The following CSTL1 variants were observed in gnomAD, a reference collection of about 807,000 sequenced individuals.
CSTL1 encodes cystatin like 1.
In CSTL1, 14 loss-of-function variants were observed where a neutral mutation model predicts 14.4. That is an observed-to-expected ratio of 0.97 (90% CI 0.64 to 1.52). The LOEUF (loss-of-function observed/expected upper bound fraction) is 1.52, where lower values mean the gene tolerates loss of function less well. Ranked by LOEUF, CSTL1 falls within the 40% of genes most tolerant of loss-of-function variation. The pLI is 0.00. For missense variants in CSTL1, 170 were observed against 168.7 expected (o/e 1.01, Z -0.04); for synonymous variants, 72 against 67.5 (o/e 1.07, Z -0.33).
downstream of CSTL1, among the ~76,000 whole-genome samples, chr20:23,445,431 A>G (rs1460353583): frequency 1.3e-5 from 2 of 150,504 alleles, no homozygotes; most frequent in Non-Finnish European, 3.0e-5. Flanking sequence ...TTTTTAAAAC[A>G]CTTTTTTTGT....
the CSTL1 span, among the ~76,000 whole-genome samples, chr20:23,453,306 C>CT: frequency 6.6e-6 from 1 of 152,088 alleles, no homozygotes; most frequent in South Asian, 2.1e-4. Flanking sequence ...AATCCCCTCC[C>CT]TTAGAGGACA....
the CSTL1 span, among the ~76,000 whole-genome samples, chr20:23,452,269 G>A: frequency 2.6e-5 from 4 of 152,086 alleles, no homozygotes; most frequent in Non-Finnish European, 5.9e-5. Context: ...TACTCAGTTC[G>A]GCATGAGTGT....
downstream of CSTL1, among the ~76,000 whole-genome samples, chr20:23,449,250 G>A (rs562778286): frequency 1.1e-4 from 17 of 152,202 alleles, 1 homozygote; most frequent in South Asian, 1.7e-3. Flanking sequence ...CGTCTCTGCC[G>A]CTTACTCTGC....
At chr20:23,456,055 C>T in the CSTL1 span, among the ~76,000 whole-genome samples, 1 of 152,156 alleles carries the variant, frequency 6.6e-6, no homozygotes, top group Admixed American at 6.5e-5. Flanking sequence ...ACAAGAATCC[C>T]CTTTGAGAAG....
rs375099801 is a variant in CSTL1, at chr20:23,440,617, C to T, written c.219+131C>T. ...TGAGGTCCCAAGGGGGAAGCATCTT[C>T]ACTTGTAGCAGGTACATTGTAGAGT... On this transcript the variant is annotated intron_variant, in intron 2 of 3. Coordinates refer to ENST00000347397, the MANE Select transcript of CSTL1 (RefSeq NM_138283.1). The T allele has an allele frequency of 7.3e-5, 56 of 765,796 alleles. 1 individual carries two copies. The East Asian group carries it at 7.9e-4, about 11-fold the overall frequency. The allele number at this position is 765,796 out of a possible 1,614,324, so 47.4% of individuals were successfully genotyped here.
chr20:23,455,051 G>C, the CSTL1 span, among the ~76,000 whole-genome samples: 4 of 152,116 alleles, frequency 2.6e-5, no homozygotes, highest in Non-Finnish European at 4.4e-5. Context: ...GGACATGATG[G>C]CTGGAGCTCC....
At chr20:23,456,093 G>T in the CSTL1 span, among the ~76,000 whole-genome samples, 1 of 152,182 alleles carries the variant, frequency 6.6e-6, no homozygotes, top group Non-Finnish European at 1.5e-5. Context: ...CCACTCCCCT[G>T]AAAACAGAGA....
intron 2 of CSTL1, among the ~76,000 whole-genome samples, chr20:23,443,572 G>C (rs942494058): frequency 6.6e-6 from 1 of 152,180 alleles, no homozygotes; most frequent in African/African-American, 2.4e-5. Context: ...GGACTGGGGG[G>C]GTGGGGACAA....
chr20:23,452,810 A>ATCCTTCAG, the CSTL1 span: 2 of 1,611,822 alleles, frequency 1.2e-6, no homozygotes, highest in Admixed American at 3.3e-5. Flanking sequence ...CTCAGCCATC[A>ATCCTTCAG]TCCTTCAGCT....
the CSTL1 span, among the ~76,000 whole-genome samples, chr20:23,455,368 T>A: frequency 6.6e-6 from 1 of 152,230 alleles, no homozygotes; most frequent in East Asian, 1.9e-4. Context: ...GTAGTGGGAT[T>A]ATTGTGCAAT....
chr20:23,444,998 A>G (rs1986936807), downstream of CSTL1: 1 of 700,884 alleles, frequency 1.4e-6, no homozygotes, highest in African/African-American at 1.8e-5. Flanking sequence ...GTACACGTAC[A>G]CACACTTGCA....
chr20:23,447,395 T>C (rs141291701), downstream of CSTL1, among the ~76,000 whole-genome samples: 13 of 152,218 alleles, frequency 8.5e-5, no homozygotes, highest in East Asian at 2.5e-3. Context: ...CTAAGAACAA[T>C]AGCTATTAAC....
the CSTL1 span, among the ~76,000 whole-genome samples, chr20:23,454,206 CAT>C: frequency 1.3e-5 from 2 of 151,618 alleles, no homozygotes; most frequent in African/African-American, 2.4e-5. Context: ...CACACTGAAA[CAT>C]ATAGACACAC....
chr20:23,440,011 G>A (rs890118973), intron 1 of CSTL1, 133 bp from the exon 2 acceptor site: 28 of 489,912 alleles, frequency 5.7e-5, no homozygotes, highest in African/African-American at 2.9e-4. Context: ...GGGCTTGCAC[G>A]CCTTAGCAGG....
At chr20:23,460,817 G>A in the CSTL1 span, among the ~76,000 whole-genome samples, 3 of 152,254 alleles carry the variant, frequency 2.0e-5, no homozygotes, top group South Asian at 6.2e-4. Flanking sequence ...AGCTCATTTA[G>A]CCAAAGGGAA....
chr20:23,460,948 T>C, the CSTL1 span, among the ~76,000 whole-genome samples: 1 of 152,168 alleles, frequency 6.6e-6, no homozygotes, highest in Non-Finnish European at 1.5e-5. Flanking sequence ...AAATTCCTGG[T>C]GAGATGTTAA....
At chr20:23,452,572 T>G in the CSTL1 span, 1 of 1,557,430 alleles carries the variant, frequency 6.4e-7, no homozygotes, top group South Asian at 1.1e-5. Flanking sequence ...AGGCGGGAAG[T>G]CATACACTCA....
chr20:23,448,228 A>G (rs1422755563), downstream of CSTL1, among the ~76,000 whole-genome samples: 1 of 152,130 alleles, frequency 6.6e-6, no homozygotes, highest in Admixed American at 6.5e-5. Flanking sequence ...ATGTTTTACC[A>G]AACTTTATGG....
At chr20:23,450,473 A>G in the CSTL1 span, 1 of 1,430,912 alleles carries the variant, frequency 7.0e-7, no homozygotes, top group Non-Finnish European at 9.7e-7. Flanking sequence ...ATTCTCTCAC[A>G]TGCAGTGGCC....
Sources: allele counts gnomAD v4.1 joint callset (sites outside exome capture counted in the v4.1 genomes callset), GRCh38; gene constraint gnomAD v4.1.1; transcripts MANE v1.5; gene names NCBI Gene and HGNC (gene_info 2026-07-23, HGNC 2026-07-21).